ROBO2: variants seen among roughly 807,000 people sequenced by gnomAD.
The protein encoded by ROBO2 is roundabout guidance receptor 2.
In ROBO2, 53 loss-of-function variants were observed where a neutral mutation model predicts 160.8. The ratio of observed to expected loss-of-function variants is 0.33; its 90% CI spans 0.26 to 0.41. ROBO2 has a LOEUF of 0.41. Among genes scored for constraint, ROBO2 ranks in the 10% least tolerant of loss-of-function variants. The pLI is 1.00. For missense variants in ROBO2, 1,577 were observed against 1,722.4 expected (o/e 0.92, Z 1.49); for synonymous variants, 664 against 611.7 (o/e 1.09, Z -1.26).
intron 2 of ROBO2, among the ~76,000 whole-genome samples, chr3:77,434,208 T>C (rs2079067455): frequency 6.6e-6 from 1 of 152,110 alleles, no homozygotes; most frequent in Non-Finnish European, 1.5e-5. Context: ...TTGAATACAT[T>C]GCTTCCTTAT....
At chr3:77,096,420 C>A (rs956385658) in intron 1 of ROBO2, among the ~76,000 whole-genome samples, 1 of 151,210 alleles carries the variant, frequency 6.6e-6, no homozygotes, top group Non-Finnish European at 1.5e-5. Flanking sequence ...ATCAACAGAG[C>A]CTTCTCTTCC....
At chr3:77,134,439 A>G (rs544365208) in intron 2 of ROBO2, among the ~76,000 whole-genome samples, 42 of 152,334 alleles carry the variant, frequency 2.8e-4, no homozygotes, top group Middle Eastern at 6.8e-3. Flanking sequence ...GCATAATAAG[A>G]ATACCTTGCT....
intron 1 of ROBO2, among the ~76,000 whole-genome samples, chr3:77,094,485 G>T (rs995633849): frequency 6.6e-6 from 1 of 152,074 alleles, no homozygotes; most frequent in African/African-American, 2.4e-5. Flanking sequence ...GAATAATACT[G>T]CTATGAATAT....
chr3:76,171,439 G>GT, intron 2 of ROBO2, among the ~76,000 whole-genome samples: 1 of 151,506 alleles, frequency 6.6e-6, no homozygotes, highest in African/African-American at 2.4e-5. Context: ...GAGTTGTTTT[G>GT]TTTTTTGTTG....
intron 2 of ROBO2, among the ~76,000 whole-genome samples, chr3:76,079,481 A>G (rs1412655438): frequency 9.3e-6 from 1 of 107,904 alleles, no homozygotes; most frequent in African/African-American, 4.3e-5. Flanking sequence ...TATTATTATT[A>G]GTTTTTTTTT....
Position 76,966,916 on chromosome 3 carries a change from A to C in ROBO2, c.110-131098A>C, listed in dbSNP as rs575161312. ...TTTTGCTTGAGACATCTTGTGAACA[A>C]GACTTTGCTTGAAGAGCAGGGTACC... On this transcript the variant is annotated intron_variant, in intron 2 of 26. Transcript: ENST00000487694. Among the ~76,000 whole-genome samples, 4 of 152,360 alleles carry C rather than the reference A, an allele frequency of 2.6e-5. No individual in the cohort carries two copies. The South Asian group carries it at 8.3e-4, about 32-fold the overall frequency.
chr3:76,707,449 G>A (rs2093189239), intron 2 of ROBO2, among the ~76,000 whole-genome samples: 1 of 151,914 alleles, frequency 6.6e-6, no homozygotes, highest in Non-Finnish European at 1.5e-5. Context: ...TATTTTGGTT[G>A]TTTCTGAATA....
chr3:76,503,477 G>T (rs549848426), intron 2 of ROBO2, among the ~76,000 whole-genome samples: 36 of 152,068 alleles, frequency 2.4e-4, no homozygotes, highest in Non-Finnish European at 4.3e-4. Flanking sequence ...AAAAGTATCG[G>T]TATACTGAAA....
chr3:76,738,838 TTG>T (rs779878970), intron 2 of ROBO2, among the ~76,000 whole-genome samples: 44 of 80,040 alleles, frequency 5.5e-4, no homozygotes, highest in African/African-American at 2.5e-3. Context: ...TTTCTCTTGA[TTG>T]TTTTTTTTTC....
chr3:76,435,104 C>A, intron 2 of ROBO2: 1 of 980,166 alleles, frequency 1.0e-6, no homozygotes, highest in Non-Finnish European at 1.7e-6. Flanking sequence ...GCAAAATGAA[C>A]TCCATTACAG....
intron 2 of ROBO2, among the ~76,000 whole-genome samples, chr3:76,291,740 A>G (rs558227265): frequency 6.6e-6 from 1 of 152,268 alleles, no homozygotes; most frequent in South Asian, 2.1e-4. Context: ...TTAGTTATAA[A>G]GAATTTCTTG....
chr3:77,307,987 T>G lies in ROBO2; in HGVS notation c.389-169427T>G, dbSNP rs545859442. On this transcript the variant is annotated intron_variant, in intron 2 of 25. Transcript: ENST00000461745. ...AAGAAAAAAAAAGTAGGAGTAGGGA[T>G]GTTTTTGTCAAATCTAGGAAATGTG... Among the ~76,000 whole-genome samples the G allele has an allele frequency of 8.6e-5, 13 of 152,038 alleles. No individual in the cohort carries two copies. The South Asian group carries it at 2.7e-3, about 32-fold the overall frequency.
At chr3:77,128,387 A>G (rs1258205128) in intron 2 of ROBO2, among the ~76,000 whole-genome samples, 1 of 152,194 alleles carries the variant, frequency 6.6e-6, no homozygotes, top group Non-Finnish European at 1.5e-5. Flanking sequence ...ACTGTACAGT[A>G]TAAGCTTTGG....
intron 2 of ROBO2, among the ~76,000 whole-genome samples, chr3:76,915,700 G>A (rs374805898): frequency 1.3e-5 from 2 of 150,638 alleles, no homozygotes; most frequent in East Asian, 1.9e-4. Flanking sequence ...AAAAAAAAGA[G>A]TGAAAAGCGT....
chr3:76,110,483 G>T (rs948638010), intron 2 of ROBO2, among the ~76,000 whole-genome samples: 2 of 152,034 alleles, frequency 1.3e-5, no homozygotes, highest in Non-Finnish European at 2.9e-5. Flanking sequence ...CATGAAGCTT[G>T]AATAGCAAAT....
chr3:77,025,883 A>G (rs112912424), intron 2 of ROBO2, among the ~76,000 whole-genome samples: 12 of 152,244 alleles, frequency 7.9e-5, no homozygotes, highest in African/African-American at 2.9e-4. Flanking sequence ...ATAAGAAAAC[A>G]GCCTCAACAC....
At chr3:77,138,618 CAAATA>C (rs1457952954) in intron 2 of ROBO2, among the ~76,000 whole-genome samples, 1 of 152,192 alleles carries the variant, frequency 6.6e-6, no homozygotes, top group East Asian at 1.9e-4. Flanking sequence ...TTAAAACTTT[CAAATA>C]AAATATGCAG....
intron 2 of ROBO2, among the ~76,000 whole-genome samples, chr3:76,278,544 G>A (rs531027562): frequency 1.3e-5 from 2 of 151,960 alleles, no homozygotes; most frequent in Non-Finnish European, 2.9e-5. Flanking sequence ...AGGAACGGAA[G>A]CTTTTGAGGA....
intron 2 of ROBO2, among the ~76,000 whole-genome samples, chr3:76,833,103 T>C (rs995649356): frequency 6.6e-6 from 1 of 152,060 alleles, no homozygotes; most frequent in East Asian, 1.9e-4. Flanking sequence ...GAAGTGCAAA[T>C]ATGGGATTAG....
Sources: allele counts gnomAD v4.1 joint callset (sites outside exome capture counted in the v4.1 genomes callset), GRCh38; gene constraint gnomAD v4.1.1; transcripts MANE v1.5; gene names NCBI Gene and HGNC (gene_info 2026-07-23, HGNC 2026-07-21).